GRIP1: variants seen among roughly 807,000 people sequenced by gnomAD.
The protein encoded by GRIP1 is glutamate receptor interacting protein 1, also known as glutamate receptor-interacting protein 1.
In GRIP1, 45 loss-of-function variants were observed where a neutral mutation model predicts 129.9. That is an observed-to-expected ratio of 0.35 (90% CI 0.27 to 0.44). The LOEUF is 0.44. Ranked by LOEUF, GRIP1 falls within the 20% of genes least tolerant of loss-of-function variation. The pLI is 1.00. For synonymous variants in GRIP1, 530 were observed against 520.8 expected (o/e 1.02, Z -0.24); for missense variants, 1,196 against 1,396.8 (o/e 0.86, Z 2.29).
chr12:66,388,709 CTTCCTTAAACATA>C (rs1565690031), intron 19 of GRIP1, among the ~76,000 whole-genome samples: 1 of 152,198 alleles, frequency 6.6e-6, no homozygotes, highest in Non-Finnish European at 1.5e-5. Context: ...CCTTGTGGGA[CTTCCTTAAACATA>C]TCCCTTCTTT....
At chr12:66,725,849 G>A (rs1386315921) in intron 1 of GRIP1, among the ~76,000 whole-genome samples, 1 of 152,084 alleles carries the variant, frequency 6.6e-6, no homozygotes, top group Non-Finnish European at 1.5e-5. Flanking sequence ...AAGCTCTTCT[G>A]CAAATTCATA....
chr12:66,736,630 AG>A (rs1473906432), intron 1 of GRIP1, among the ~76,000 whole-genome samples: 1 of 150,794 alleles, frequency 6.6e-6, no homozygotes, highest in East Asian at 1.9e-4. Flanking sequence ...TTGCTATCTC[AG>A]GGGTGGCAGA....
chr12:67,011,415 GT>G (rs1387654507), intron 1 of GRIP1, among the ~76,000 whole-genome samples: 1 of 152,174 alleles, frequency 6.6e-6, no homozygotes, highest in Non-Finnish European at 1.5e-5. Flanking sequence ...AAAGAACGCT[GT>G]TTTTAGAAGG....
chr12:66,675,985 A>G (rs938230599), intron 1 of GRIP1, among the ~76,000 whole-genome samples: 1 of 152,206 alleles, frequency 6.6e-6, no homozygotes, highest in Non-Finnish European at 1.5e-5. Context: ...TGCTAAGTTT[A>G]CCTGAAATAT....
intron 1 of GRIP1, among the ~76,000 whole-genome samples, chr12:66,793,217 G>A (rs2038595951): frequency 6.6e-6 from 1 of 152,074 alleles, no homozygotes; most frequent in African/African-American, 2.4e-5. Flanking sequence ...TGAGTTCTAG[G>A]TATTACAGAC....
At chr12:67,027,453 C>T (rs1406197386) in intron 1 of GRIP1, among the ~76,000 whole-genome samples, 2 of 152,244 alleles carry the variant, frequency 1.3e-5, no homozygotes, top group Non-Finnish European at 2.9e-5. Context: ...ATATTACTTA[C>T]TGAGTGTCTA....
At position 66,818,054 on chromosome 12, in the gene GRIP1, A is replaced by G. The variant is rs556768259; in HGVS notation, c.59-221127T>C. On this transcript the variant is annotated intron_variant, in intron 1 of 1. Transcript: ENST00000643019. Reference sequence around the variant, plus strand: ...ATACTATACCAGGATTCAACATTAAATATTAGTTATAATGTGGATCTGAAA... The same window carrying G: ...ATACTATACCAGGATTCAACATTAAGTATTAGTTATAATGTGGATCTGAAA... Among the ~76,000 whole-genome samples the G allele has an allele frequency of 2.3e-3, 344 of 152,334 alleles. 3 individuals are homozygous for G. Among genetic ancestry groups the G allele is most frequent in the African/African-American group, 7.6e-3 (316 of 41,582 alleles).
At chr12:67,043,692 C>T (rs994058844) in intron 1 of GRIP1, among the ~76,000 whole-genome samples, 1 of 152,112 alleles carries the variant, frequency 6.6e-6, no homozygotes, top group Non-Finnish European at 1.5e-5. Flanking sequence ...GTTGCTCTCT[C>T]CCTTATCAGT....
Position 66,458,567 on chromosome 12 carries a change from T to C in GRIP1, c.1043-2225A>G, listed in dbSNP as rs189768944. ...GCCCAGCTAATTTTTGTATTTTTGG[T>C]AGAGATGGGGTTTTGCCATGTTAGC... On this transcript the variant is annotated intron_variant, in intron 9 of 24. Coordinates refer to ENST00000359742, the MANE Select transcript of GRIP1 (RefSeq NM_001366722.1). 1.4e-4 allele frequency among the ~76,000 whole-genome samples: 22 copies of C among 152,264 alleles called. No homozygotes were observed. The East Asian group carries it at 4.1e-3, about 28-fold the overall frequency.
chr12:66,728,797 C>G lies in GRIP1; in HGVS notation c.-420+75256G>C, dbSNP rs188263699. On this transcript the variant is annotated intron_variant, in intron 1 of 4. Coordinates refer to the GRIP1 transcript ENST00000538373. ...CACCAAGACAAGAACTTTACAGAAA[C>G]AGAAAAATAGCATTTCATTTTGAGA... Among the ~76,000 whole-genome samples, 27 of 152,174 alleles carry G rather than the reference C, an allele frequency of 1.8e-4. No homozygotes were observed. The East Asian group carries it at 5.0e-3, about 28-fold the overall frequency.
At chr12:66,856,147 G>T (rs1295836498) in intron 1 of GRIP1, among the ~76,000 whole-genome samples, 1 of 152,058 alleles carries the variant, frequency 6.6e-6, no homozygotes, top group Non-Finnish European at 1.5e-5. Flanking sequence ...AATAAATGGT[G>T]CTGGGAAAAC....
intron 1 of GRIP1, among the ~76,000 whole-genome samples, chr12:67,022,759 A>T (rs796730358): frequency 1.4e-4 from 21 of 152,260 alleles, no homozygotes; most frequent in African/African-American, 4.8e-4. Context: ...GGTTTGTTAC[A>T]TGGGTATACC....
chr12:66,841,833 G>C (rs1439094770), intron 1 of GRIP1, among the ~76,000 whole-genome samples: 1 of 152,112 alleles, frequency 6.6e-6, no homozygotes, highest in Non-Finnish European at 1.5e-5. Flanking sequence ...CTAGCACAAG[G>C]CTTATATTTG....
chr12:66,834,351 G>T (rs1467172718), intron 1 of GRIP1, among the ~76,000 whole-genome samples: 1 of 152,000 alleles, frequency 6.6e-6, no homozygotes, highest in African/African-American at 2.4e-5. Flanking sequence ...ATTGTACTGC[G>T]TCTGTGACAA....
intron 10 of GRIP1, among the ~76,000 whole-genome samples, 182 bp downstream of exon 10, chr12:66,456,005 C>A (rs1288519542): frequency 6.6e-6 from 1 of 152,068 alleles, no homozygotes; most frequent in Non-Finnish European, 1.5e-5. Context: ...CATTTACATC[C>A]TTTCCTAACA....
intron 1 of GRIP1, among the ~76,000 whole-genome samples, chr12:66,832,516 T>C (rs1370335517): frequency 6.8e-6 from 1 of 146,958 alleles, no homozygotes; most frequent in African/African-American, 2.5e-5. Context: ...TTTTTGTTTA[T>C]GAGAAAAAAA....
At chr12:66,644,835 T>C (rs552901914) in intron 1 of GRIP1, among the ~76,000 whole-genome samples, 12 of 152,200 alleles carry the variant, frequency 7.9e-5, no homozygotes, top group Non-Finnish European at 1.6e-4. Flanking sequence ...AATACTATGG[T>C]AAATGTTTTC....
Position 66,443,426 on chromosome 12 carries a change from A to T in GRIP1, c.1687+1158T>A, listed in dbSNP as rs181440546. 1.2e-3 allele frequency among the ~76,000 whole-genome samples: 176 copies of T among 147,500 alleles called. 2 individuals are homozygous for T. The highest frequency in any genetic ancestry group is 4.1e-3 in the African/African-American group (165 of 39,892). On this transcript the variant is annotated intron_variant, in intron 13 of 24. Transcript: ENST00000359742. ...TGTTCAATCTCCCTCCCCTACCGCA[A>T]TATTTTTTTTTTCTTTTCTCTTTCT...
At chr12:66,453,120 G>A (rs74700903) in intron 11 of GRIP1, among the ~76,000 whole-genome samples, 1 of 152,158 alleles carries the variant, frequency 6.6e-6, no homozygotes. Context: ...ATTCAAGAGA[G>A]AATTTATGCG....
Sources: gnomAD v4.1 joint callset for allele counts (sites outside exome capture counted in the v4.1 genomes callset) on GRCh38, gnomAD v4.1.1 for gene constraint, MANE v1.5 for transcripts, NCBI Gene and HGNC (gene_info 2026-07-23, HGNC 2026-07-21) for gene names.